The following RASGRP3 variants were observed in gnomAD, a reference collection of about 807,000 sequenced individuals.
RASGRP3 encodes the protein RAS guanyl releasing protein 3, also known as ras guanyl-releasing protein 3.
RASGRP3 carries 54 observed loss-of-function variants against 82.7 expected under a neutral mutation model. The observed-to-expected ratio is 0.65, with a 90% CI of 0.52 to 0.82. The LOEUF is 0.82. RASGRP3 is among the 40% of genes least tolerant of loss of function. The probability of loss-of-function intolerance (pLI) is 0.00; values close to 1 mark genes in which losing one functional copy is unlikely to be tolerated. For synonymous variants in RASGRP3, 309 were observed against 300.5 expected, an observed-to-expected ratio of 1.03 and a Z score of -0.29; for missense variants, 861 against 828.9, an observed-to-expected ratio of 1.04 and a Z score of -0.48.
intron 2 of RASGRP3, among the ~76,000 whole-genome samples, chr2:33,463,670 C>T (rs1186792683): frequency 6.8e-6 from 1 of 146,276 alleles, no homozygotes; most frequent in Non-Finnish European, 1.5e-5. Flanking sequence ...GCAATCTTGG[C>T]TCACTGCAAC....
chr2:33,442,755 T>C (rs1201010542), intron 1 of RASGRP3, among the ~76,000 whole-genome samples: 1 of 152,246 alleles, frequency 6.6e-6, no homozygotes, highest in Admixed American at 6.5e-5. Context: ...AAAACAATTA[T>C]GGGCAGACAA....
chr2:33,523,972 T>C lies in RASGRP3; in HGVS notation c.610T>C (p.Trp204Arg). 1 of 1,613,956 alleles carries C rather than the reference T, an allele frequency of 6.2e-7. No individual in the cohort carries two copies. Residue 204 changes from tryptophan (W) to arginine (R), a missense_variant, in exon 8 of 18, where the codon TGG becomes CGG. By Grantham distance (101) the Trp-to-Arg change is moderately radical. Transcript: ENST00000403687. ...TGCTTTATTTAATGGAATCTCTAAG[T>C]GGGTCCAGTTGATGGTTCTTAGCAA... ...SIALFNGISK[W>R]VQLMVLSKPT...
At chr2:33,548,698 A>AATTATTATTATTATT (rs374165976) in intron 13 of RASGRP3, among the ~76,000 whole-genome samples, 1 of 151,474 alleles carries the variant, frequency 6.6e-6, no homozygotes, top group African/African-American at 2.4e-5. Context: ...AAGTGGATCC[A>AATTATTATTATTATT]ATTATTATTA....
intron 1 of RASGRP3, among the ~76,000 whole-genome samples, chr2:33,495,755 C>T (rs974014750): frequency 2.6e-4 from 40 of 152,104 alleles, no homozygotes; most frequent in African/African-American, 7.0e-4. Flanking sequence ...ATTCTTTCTC[C>T]GTTTGGAACA....
chr2:33,496,479 T>A (rs966402), intron 1 of RASGRP3, among the ~76,000 whole-genome samples: 33,332 of 152,150 alleles, frequency 0.22, 3,976 homozygotes, highest in Admixed American at 0.28. Context: ...CATTAGAATG[T>A]TTCAGATAGG....
chr2:33,456,380 A>G (rs915533277), intron 2 of RASGRP3, among the ~76,000 whole-genome samples: 1 of 151,960 alleles, frequency 6.6e-6, no homozygotes, highest in African/African-American at 2.4e-5. Context: ...CTTCTTTTGG[A>G]TATTTCAAAT....
chr2:33,538,530 T>A (rs1440365262), intron 11 of RASGRP3, among the ~76,000 whole-genome samples: 1 of 145,444 alleles, frequency 6.9e-6, no homozygotes, highest in Non-Finnish European at 1.5e-5. Flanking sequence ...AAATAAATAA[T>A]AAAAATAAAA....
chr2:33,456,851 T>C (rs75955319), intron 2 of RASGRP3, among the ~76,000 whole-genome samples: 1,860 of 152,206 alleles, frequency 0.012, 35 homozygotes, highest in African/African-American at 0.043. Context: ...CAAAAGTAAC[T>C]ATGATAATCA....
intron 1 of RASGRP3, among the ~76,000 whole-genome samples, chr2:33,505,906 G>T (rs1355395196): frequency 6.6e-6 from 1 of 152,104 alleles, no homozygotes; most frequent in Non-Finnish European, 1.5e-5. Flanking sequence ...GTGGGACTTT[G>T]GAATTTCATG....
intron 11 of RASGRP3, among the ~76,000 whole-genome samples, chr2:33,537,057 A>G (rs919570942): frequency 6.6e-6 from 1 of 152,100 alleles, no homozygotes; most frequent in East Asian, 1.9e-4. Context: ...ATCAGGTCAC[A>G]TGGACTTGAA....
At chr2:33,524,320 A>G in intron 8 of RASGRP3, 112 bp from the exon 9 acceptor site, 1 of 764,784 alleles carries the variant, frequency 1.3e-6, no homozygotes, top group Non-Finnish European at 2.1e-6. Context: ...AAATTGATGT[A>G]ATGTTTTCCT....
At position 33,543,469 on chromosome 2, in the gene RASGRP3, C is replaced by G. The variant is rs200211290; in HGVS notation, c.1279-43C>G. 5.7e-4 allele frequency: 727 copies of G among 1,275,152 alleles called. 2 individuals are homozygous for G. In the African/African-American group the frequency reaches 9.3e-3, roughly 16 times the overall value. The allele number at this position is 1,275,152 out of a possible 1,614,324, so 79.0% of individuals were successfully genotyped here. A position where few individuals can be genotyped will look rare whatever the true frequency, so the allele number is the denominator to read the frequency against. On this transcript the variant is annotated intron_variant, in intron 12 of 17. Coordinates refer to ENST00000403687, the MANE Select transcript of RASGRP3 (RefSeq NM_001139488.2). ...GCTTTTGCAATAACAAGTTCAGAGC[C>G]TGCCTTATAGTCATTCAATAAATAC... is the stretch of plus-strand genomic sequence containing the variant.
intron 1 of RASGRP3, among the ~76,000 whole-genome samples, chr2:33,478,170 A>T (rs1324960388): frequency 1.3e-5 from 2 of 152,206 alleles, no homozygotes; most frequent in Non-Finnish European, 2.9e-5. Flanking sequence ...TGATGGAAGC[A>T]GTTTCGGATG....
intron 1 of RASGRP3, among the ~76,000 whole-genome samples, chr2:33,488,059 G>C (rs1668542541): frequency 6.6e-6 from 1 of 152,188 alleles, no homozygotes; most frequent in African/African-American, 2.4e-5. Context: ...AATGGGAAAA[G>C]CCGTGATTCA....
At chr2:33,453,708 C>CA (rs1423750885) in intron 2 of RASGRP3, among the ~76,000 whole-genome samples, 22 of 152,272 alleles carry the variant, frequency 1.4e-4, no homozygotes, top group African/African-American at 5.1e-4. Context: ...GCAAGGACTA[C>CA]ATGAGGATAT....
intron 1 of RASGRP3, among the ~76,000 whole-genome samples, chr2:33,441,956 A>G (rs1665246695): frequency 6.6e-6 from 1 of 152,224 alleles, no homozygotes; most frequent in Non-Finnish European, 1.5e-5. Context: ...TTTTATACAG[A>G]CATTAAATTA....
At chr2:33,481,885 G>C (rs1246817437) in intron 1 of RASGRP3, 1 of 151,204 alleles carries the variant, frequency 6.6e-6, no homozygotes, top group Non-Finnish European at 1.5e-5. Context: ...TGTGTTTTTA[G>C]TAGAGATGGG....
chr2:33,473,494 G>A (rs1209086772), upstream of RASGRP3, among the ~76,000 whole-genome samples: 1 of 152,222 alleles, frequency 6.6e-6, no homozygotes, highest in Admixed American at 6.5e-5. Context: ...AGGCGTGGTT[G>A]TTGTCGAGAG....
At chr2:33,448,241 A>G (rs1551485) in intron 2 of RASGRP3, among the ~76,000 whole-genome samples, 7 of 152,006 alleles carry the variant, frequency 4.6e-5, no homozygotes, top group African/African-American at 1.4e-4. Context: ...TTCAACTACT[A>G]TTTGCCTCTG....
Sources: allele counts gnomAD v4.1 joint callset (sites outside exome capture counted in the v4.1 genomes callset), GRCh38; gene constraint gnomAD v4.1.1; transcripts MANE v1.5; gene names NCBI Gene and HGNC (gene_info 2026-07-23, HGNC 2026-07-21).